Variants in NEXMIF observed in about 807,000 individuals in gnomAD.
NEXMIF encodes neurite extension and migration factor, also known as XLMR protein related to neurite extension.
A neutral mutation model predicts 62.1 loss-of-function variants in NEXMIF; 8 were observed. The observed-to-expected ratio is 0.13, with a 90% CI of 0.08 to 0.23. The LOEUF is 0.23. Among genes scored for constraint, NEXMIF ranks in the 10% least tolerant of loss-of-function variants. NEXMIF has a pLI of 1.00. For synonymous variants in NEXMIF, 404 were observed against 416.6 expected, an observed-to-expected ratio of 0.97 and a Z score of 0.37; for missense variants, 976 against 1,113.3, an observed-to-expected ratio of 0.88 and a Z score of 1.75.
chrX:74,878,772 C>T (rs1444564934), intron 1 of NEXMIF, among the ~76,000 whole-genome samples: 1 of 112,407 alleles, frequency 8.9e-6, no homozygotes, highest in Non-Finnish European at 1.9e-5. Context: ...TCTGTCACCC[C>T]TTTCTTTGAC....
chrX:74,739,338 T>C lies in NEXMIF; in HGVS notation c.*67A>G. 1.3e-6 allele frequency: 1 copy of C among 745,249 alleles called. No individual in the cohort carries two copies. The highest frequency in any genetic ancestry group is 2.9e-5 in the South Asian group (1 of 34,525). The allele number at this position is 745,249 out of a possible 1,213,427, so 61.4% of individuals were successfully genotyped here. On this transcript the variant is annotated 3_prime_UTR_variant, in exon 4 of 4. Transcript: ENST00000055682. ...GTATTCCCACAATTTAAAATTCTTT[T>C]CTTTAAGCACTTACATGTCAACATA...
chrX:74,752,879 G>A (rs1295773418), intron 1 of NEXMIF, among the ~76,000 whole-genome samples: 3 of 111,513 alleles, frequency 2.7e-5, no homozygotes, highest in Admixed American at 9.5e-5. Context: ...CTCAGGTGGG[G>A]TATTTCTTTC....
At chrX:74,828,676 C>T (rs1450711469) in intron 1 of NEXMIF, among the ~76,000 whole-genome samples, 2 of 112,086 alleles carry the variant, frequency 1.8e-5, no homozygotes, top group Non-Finnish European at 3.8e-5. Context: ...GTCTTCTTGC[C>T]TACCAGGCAA....
chrX:74,919,454 A>G (rs1316610213), intron 1 of NEXMIF, among the ~76,000 whole-genome samples: 1 of 111,417 alleles, frequency 9.0e-6, no homozygotes, highest in African/African-American at 3.3e-5. Context: ...AAGGTGGCTT[A>G]TACTAAGGTG....
At chrX:74,782,865 C>T (rs1172592863) in intron 1 of NEXMIF, among the ~76,000 whole-genome samples, 1 of 111,799 alleles carries the variant, frequency 8.9e-6, no homozygotes, top group Admixed American at 9.5e-5. Flanking sequence ...TTTAAGATAG[C>T]AGTACAGGAC....
At chrX:74,880,945 G>A (rs745384649) in intron 1 of NEXMIF, among the ~76,000 whole-genome samples, 7 of 111,015 alleles carry the variant, frequency 6.3e-5, no homozygotes, top group Non-Finnish European at 7.5e-5. Flanking sequence ...CCTAAACAAC[G>A]ATCATGAACA....
At chrX:74,856,103 T>C (rs1309577123) in intron 1 of NEXMIF, among the ~76,000 whole-genome samples, 1 of 111,904 alleles carries the variant, frequency 8.9e-6, no homozygotes, top group Non-Finnish European at 1.9e-5. Context: ...AGCCCAAATA[T>C]TGAACTTACT....
At chrX:74,884,170 A>G (rs1185785281) in intron 1 of NEXMIF, among the ~76,000 whole-genome samples, 1 of 112,037 alleles carries the variant, frequency 8.9e-6, no homozygotes, top group African/African-American at 3.2e-5. Flanking sequence ...AGGAACAACC[A>G]GTACCAGCCA....
At chrX:74,887,002 T>A (rs759512293) in intron 1 of NEXMIF, among the ~76,000 whole-genome samples, 5 of 111,815 alleles carry the variant, frequency 4.5e-5, no homozygotes, top group Admixed American at 9.5e-5. Context: ...GCCGCGTATG[T>A]ACAACTATCT....
intron 1 of NEXMIF, among the ~76,000 whole-genome samples, chrX:74,847,187 A>G (rs187241736): frequency 5.3e-5 from 6 of 112,318 alleles, no homozygotes; most frequent in African/African-American, 1.9e-4. Context: ...TTGAGGCTTC[A>G]TAAGTCTGGG....
intron 1 of NEXMIF, among the ~76,000 whole-genome samples, chrX:74,829,258 C>A (rs756523568): frequency 8.9e-6 from 1 of 112,055 alleles, no homozygotes; most frequent in Admixed American, 9.5e-5. Flanking sequence ...TGAGTTTAAT[C>A]GTTTTGATTA....
At chrX:74,909,045 G>A (rs1356070508) in intron 1 of NEXMIF, among the ~76,000 whole-genome samples, 2 of 111,223 alleles carry the variant, frequency 1.8e-5, no homozygotes, top group Non-Finnish European at 3.8e-5. Context: ...TCCCATTCTC[G>A]GGTATGTCTT....
At chrX:74,903,323 C>CGT (rs2080754703) in intron 1 of NEXMIF, among the ~76,000 whole-genome samples, 1 of 77,229 alleles carries the variant, frequency 1.3e-5, no homozygotes, top group African/African-American at 5.1e-5. Context: ...GATTCTCAGG[C>CGT]ATACACACAC....
chrX:74,811,748 G>A (rs1355587603), intron 1 of NEXMIF, among the ~76,000 whole-genome samples: 1 of 112,593 alleles, frequency 8.9e-6, no homozygotes, highest in African/African-American at 3.2e-5. Flanking sequence ...AACTTGGGGA[G>A]GAAACCAGTT....
At chrX:74,789,440 T>G (rs1602227811) in intron 1 of NEXMIF, among the ~76,000 whole-genome samples, 1 of 109,654 alleles carries the variant, frequency 9.1e-6, no homozygotes, top group East Asian at 2.9e-4. Context: ...AACATATGTG[T>G]GCATGTGTCT....
At chrX:74,924,561 C>G (rs2080837436) in intron 1 of NEXMIF, among the ~76,000 whole-genome samples, 1 of 113,485 alleles carries the variant, frequency 8.8e-6, no homozygotes, top group Non-Finnish European at 1.9e-5. Context: ...GGCACTCTGC[C>G]GAGCTGCGTG....
At position 74,857,212 on chromosome X, in the gene NEXMIF, C is replaced by T. The variant is rs138420970; in HGVS notation, c.-48+67671G>A. Among the ~76,000 whole-genome samples the T allele has an allele frequency of 7.5e-3, 834 of 111,848 alleles. 10 individuals carry two copies. The highest frequency in any genetic ancestry group is 0.025 in the African/African-American group (777 of 30,788). ...AAGGGAGTGCTTGCACCACCACTAC[C>T]CAAATCCCAGGCTGCACAGCTCATG... On this transcript the variant is annotated intron_variant, in intron 1 of 3. Transcript: ENST00000055682.
At chrX:74,872,014 T>C (rs951367909) in intron 1 of NEXMIF, among the ~76,000 whole-genome samples, 1 of 111,535 alleles carries the variant, frequency 9.0e-6, no homozygotes, top group Non-Finnish European at 1.9e-5. Flanking sequence ...AGAGTATTAA[T>C]TGGGGAAGTG....
chrX:74,851,108 A>G (rs756650374), intron 1 of NEXMIF, among the ~76,000 whole-genome samples: 26 of 110,549 alleles, frequency 2.4e-4, no homozygotes, highest in Non-Finnish European at 4.5e-4. Context: ...AATAGACTAG[A>G]TCAAGCAGAA....
Sources: allele counts gnomAD v4.1 joint callset (sites outside exome capture counted in the v4.1 genomes callset), GRCh38; gene constraint gnomAD v4.1.1; transcripts MANE v1.5; gene names NCBI Gene and HGNC (gene_info 2026-07-23, HGNC 2026-07-21).